DIP2A: variants seen among roughly 807,000 people sequenced by gnomAD.
DIP2A encodes the protein disco-interacting protein 2 homolog A.
Under a neutral mutation model 177.4 loss-of-function variants are expected in DIP2A, and 85 were observed. The observed-to-expected ratio is 0.48, with a 90% CI of 0.40 to 0.57. The LOEUF (loss-of-function observed/expected upper bound fraction) is 0.57. Ranked by LOEUF, DIP2A falls within the 20% of genes least tolerant of loss-of-function variation. The pLI is 0.00. For missense variants in DIP2A, 1,791 were observed against 2,100.2 expected (o/e 0.85, Z 2.88); for synonymous variants, 886 against 881.8 (o/e 1.00, Z -0.08).
At chr21:46,578,155 T>TA in the DIP2A span, among the ~76,000 whole-genome samples, 1 of 151,910 alleles carries the variant, frequency 6.6e-6, no homozygotes, top group Non-Finnish European at 1.5e-5. Context: ...CTAGTAAAAA[T>TA]ACAAAAATTA....
Position 46,532,210 on chromosome 21 carries a change from C to T in DIP2A, c.1278C>T (p.Val426=), listed in dbSNP as rs1369658068. ...YGCLLAELVP[V]PIEVPLTRKD... ...GTCTCCTGGCAGAGCTGGTTCCTGTCCCCATAGAAGTGCCATTAACAAGAA... is the reference window on the plus strand; with the variant it reads ...GTCTCCTGGCAGAGCTGGTTCCTGTTCCCATAGAAGTGCCATTAACAAGAA... The change falls in exon 10 of 38, where the codon GTC becomes GTT. Residue 426 remains valine, a synonymous_variant. Coordinates refer to ENST00000417564, the MANE Select transcript of DIP2A (RefSeq NM_015151.4). The T allele has an allele frequency of 6.2e-6, 10 of 1,613,882 alleles. No homozygotes were observed. The highest frequency in any genetic ancestry group is 5.1e-6 in the Non-Finnish European group (6 of 1,179,840).
At chr21:46,582,771 G>T in the DIP2A span, among the ~76,000 whole-genome samples, 2 of 152,014 alleles carry the variant, frequency 1.3e-5, no homozygotes, top group East Asian at 1.9e-4. Flanking sequence ...CACTTTGCTG[G>T]TAATTTTTTT....
intron 1 of DIP2A, among the ~76,000 whole-genome samples, chr21:46,478,803 T>C (rs2056126039): frequency 6.6e-6 from 1 of 152,168 alleles, no homozygotes; most frequent in African/African-American, 2.4e-5. Context: ...ATATTGATTA[T>C]GGTTATTCTA....
rs1601332046 is a variant in DIP2A at position 46,468,116 on chromosome 21, A to T, written c.91+8894A>T. On this transcript the variant is annotated intron_variant, in intron 1 of 37. Coordinates refer to ENST00000417564, the MANE Select transcript of DIP2A (RefSeq NM_015151.4). The stretch of plus-strand genomic sequence containing the variant: ...CCGCCTCTACTAAATAAAAAAAAAA[A>T]TTAGCCTGGCATGGGGGCAAGTACC... 2.0e-5 allele frequency among the ~76,000 whole-genome samples: 3 copies of T among 151,952 alleles called. No individual in the cohort carries two copies. The South Asian group carries it at 6.2e-4, about 32-fold the overall frequency.
chr21:46,560,060 GC>G, intron 32 of DIP2A, among the ~76,000 whole-genome samples: 1 of 152,242 alleles, frequency 6.6e-6, no homozygotes. Flanking sequence ...AAATGTTAAT[GC>G]TCATAGCATT....
At chr21:46,553,070 T>TG (rs1275605085) in intron 25 of DIP2A, 1 of 152,184 alleles carries the variant, frequency 6.6e-6, no homozygotes, top group Non-Finnish European at 1.5e-5. Context: ...CAGATAAGGC[T>TG]GGGGGTCGCT....
In DIP2A at chr21:46,557,536, C is replaced by T; in HGVS notation, c.3630-49C>T. On this transcript the variant is annotated intron_variant, in intron 30 of 37. Coordinates refer to ENST00000417564, the MANE Select transcript of DIP2A (RefSeq NM_015151.4). This position sits in a 1 kb window ranked among gnomAD's most constrained non-coding sequence, Gnocchi z 6.0. ...TTGAGGAAGGGAAGAGTGGAGTGCCCAGGGTGCTGGGTGGGCGGGCGGAGC... is the reference window on the plus strand; with the variant it reads ...TTGAGGAAGGGAAGAGTGGAGTGCCTAGGGTGCTGGGTGGGCGGGCGGAGC... 2 of 1,570,342 alleles carry T rather than the reference C, an allele frequency of 1.3e-6. No homozygotes were observed. The highest frequency in any genetic ancestry group is 2.3e-5 in the South Asian group (2 of 87,246).
At chr21:46,503,665 T>TTTTC (rs766572655) in intron 5 of DIP2A, among the ~76,000 whole-genome samples, 3 of 54,384 alleles carry the variant, frequency 5.5e-5, no homozygotes, top group African/African-American at 1.9e-4. Flanking sequence ...CTTTCTTTCT[T>TTTTC]TTTCTTTCTT....
chr21:46,537,530 T>G lies in DIP2A; in HGVS notation c.1792T>G (p.Phe598Val). 1.9e-6 allele frequency: 3 copies of G among 1,614,200 alleles called. No homozygotes were observed. The highest frequency in any genetic ancestry group is 1.6e-4 in the Middle Eastern group (1 of 6,062). ...NPLSWIQKVC[F>V]YKARAALVKS... Reference sequence around the variant, plus strand: ...ACTCTCCTGGATCCAGAAAGTGTGCTTCTATAAAGGTAACGGATACCATGG... The same window carrying G: ...ACTCTCCTGGATCCAGAAAGTGTGCGTCTATAAAGGTAACGGATACCATGG... The change falls in exon 15 of 38, where the codon TTC becomes GTC. Residue 598 changes from phenylalanine (F) to valine (V), a missense_variant. Coordinates refer to ENST00000417564, the MANE Select transcript of DIP2A (RefSeq NM_015151.4). The surrounding 1 kb of genome is among the most constrained non-coding windows in gnomAD (Gnocchi z 4.1).
chr21:46,519,961 G>T (rs1389621358), intron 8 of DIP2A, among the ~76,000 whole-genome samples: 1 of 130,548 alleles, frequency 7.7e-6, no homozygotes, highest in African/African-American at 2.8e-5. Context: ...TGCAAGCTCC[G>T]CCTCCAGGGT....
Position 46,557,985 on chromosome 21 carries a change from C to G in DIP2A, c.3798+232C>G, listed in dbSNP as rs930720141. Among the ~76,000 whole-genome samples, 1 of 152,162 alleles carries G rather than the reference C, an allele frequency of 6.6e-6. No individual in the cohort carries two copies. Among genetic ancestry groups the G allele is most frequent in the Admixed American group, 6.5e-5 (1 of 15,274 alleles). On this transcript the variant is annotated intron_variant, in intron 31 of 37. Transcript: ENST00000417564. This position sits in a 1 kb window ranked among gnomAD's most constrained non-coding sequence, Gnocchi z 6.0. ...GGTGGGGGGTAGGGCAGGGTCCCTG[C>G]GAGATAGCGGGGTGGAAGTCTGGCC...
chr21:46,555,006 C>A, intron 28 of DIP2A, 73 bp downstream of exon 28: 1 of 1,461,066 alleles, frequency 6.8e-7, no homozygotes. Flanking sequence ...GGCCTGGCTG[C>A]CGTCCAAAAA....
intron 16 of DIP2A, chr21:46,539,374 AC>A (rs1439038114): frequency 1.6e-5 from 3 of 182,922 alleles, no homozygotes; most frequent in Admixed American, 5.6e-5. Context: ...AGGTCACCCC[AC>A]CTTTGAGCAC....
chr21:46,574,686 C>T (rs1381907900), downstream of DIP2A, among the ~76,000 whole-genome samples: 1 of 151,968 alleles, frequency 6.6e-6, no homozygotes, highest in Admixed American at 6.6e-5. Context: ...TGTATGCCAA[C>T]AAATGGAAAA....
intron 1 of DIP2A, among the ~76,000 whole-genome samples, chr21:46,473,675 C>T (rs1804847868): frequency 6.6e-6 from 1 of 151,992 alleles, no homozygotes. Context: ...GCCACCACGC[C>T]CGGCTAATTT....
rs779014005 is a variant in DIP2A at position 46,497,171 on chromosome 21, A to C, written c.403+64A>C. 174 of 1,549,024 alleles carry C rather than the reference A, an allele frequency of 1.1e-4. 1 individual carries two copies. The highest frequency in any genetic ancestry group is 1.7e-4 in the Middle Eastern group (1 of 5,872). ...TGTTTCACAGGCCTGATGTTATCCT[A>C]TTTACTTCCCATTGAGTTGGAATAT... On this transcript the variant is annotated intron_variant, in intron 4 of 37. Transcript: ENST00000417564.
chr21:46,566,862 G>A (rs760127510), intron 37 of DIP2A, among the ~76,000 whole-genome samples, 179 bp downstream of exon 37: 14 of 152,210 alleles, frequency 9.2e-5, no homozygotes, highest in Non-Finnish European at 1.9e-4. Flanking sequence ...TATCTACCTT[G>A]GGCATTGCCA....
chr21:46,559,285 A>C (rs970562248), intron 32 of DIP2A, among the ~76,000 whole-genome samples: 3 of 152,140 alleles, frequency 2.0e-5, no homozygotes, highest in Non-Finnish European at 2.9e-5. Context: ...ATAACCCTAC[A>C]TATTGAACGC....
In DIP2A at chr21:46,557,819, C is replaced by G; in HGVS notation, c.3798+66C>G. 6.5e-7 allele frequency: 1 copy of G among 1,534,904 alleles called. No homozygotes were observed. On this transcript the variant is annotated intron_variant, in intron 31 of 37. Transcript: ENST00000417564. This position sits in a 1 kb window ranked among gnomAD's most constrained non-coding sequence, Gnocchi z 6.0. ...ACAGCCCTGGGAAGTTTAAAAACAA[C>G]AAAACAAAACAAGACTCCCAAGGCC... is the stretch of plus-strand genomic sequence containing the variant.
Sources: gnomAD v4.1 joint callset for allele counts (sites outside exome capture counted in the v4.1 genomes callset) on GRCh38, gnomAD v4.1.1 for gene constraint, Gnocchi (gnomAD v3.1) non-coding constraint, MANE v1.5 for transcripts, NCBI Gene and HGNC (gene_info 2026-07-23, HGNC 2026-07-21) for gene names.